Variants in RIMS4 observed in about 807,000 individuals in gnomAD.
RIMS4 encodes regulating synaptic membrane exocytosis protein 4.
Under a neutral mutation model 29.0 loss-of-function variants are expected in RIMS4, and 9 were observed. That is an observed-to-expected ratio of 0.31 (90% confidence interval 0.19 to 0.54). The LOEUF is 0.54. RIMS4 is among the 20% of genes least tolerant of loss of function. The pLI is 0.94. For missense variants in RIMS4, 193 were observed against 365.7 expected, an observed-to-expected ratio of 0.53 and a Z score of 3.85; for synonymous variants, 130 against 152.9, an observed-to-expected ratio of 0.85 and a Z score of 1.10.
At chr20:44,761,273 T>G (rs1023098120) in intron 2 of RIMS4, among the ~76,000 whole-genome samples, 4 of 152,212 alleles carry the variant, frequency 2.6e-5, no homozygotes, top group Non-Finnish European at 5.9e-5. Flanking sequence ...ATTTTATAGA[T>G]GAGCCGGAGA....
intron 2 of RIMS4, among the ~76,000 whole-genome samples, chr20:44,761,464 G>A (rs1438799797): frequency 6.6e-6 from 1 of 152,200 alleles, no homozygotes; most frequent in African/African-American, 2.4e-5. Context: ...GCACAGGGCA[G>A]GCTGGAAGCA....
rs2066045760 is a variant in RIMS4, at chr20:44,753,807, G to A, written c.*2327C>T. ...CCCCAGCTGCTCCACCCCTCCAGGAGGTGAGCGGGATTTCACAGAACAAAC... is the reference window on the plus strand; with the variant it reads ...CCCCAGCTGCTCCACCCCTCCAGGAAGTGAGCGGGATTTCACAGAACAAAC... On this transcript the variant is annotated 3_prime_UTR_variant, in exon 6 of 6. Transcript: ENST00000372851. The A allele has an allele frequency of 6.5e-6, 1 of 152,682 alleles. No individual in the cohort carries two copies. Among genetic ancestry groups the A allele is most frequent in the African/African-American group, 2.4e-5 (1 of 41,450 alleles). The allele number at this position is 152,682 out of a possible 1,614,324, so 9.5% of individuals were successfully genotyped here. A position where few individuals can be genotyped will look rare whatever the true frequency, so the allele number is the denominator to read the frequency against.
chr20:44,801,420 T>C (rs188933561), intron 1 of RIMS4, among the ~76,000 whole-genome samples: 4 of 152,232 alleles, frequency 2.6e-5, no homozygotes, highest in African/African-American at 7.2e-5. Context: ...ACTGACTCAG[T>C]AAACTCCCCC....
chr20:44,758,915 A>C (rs1192249919), intron 2 of RIMS4, among the ~76,000 whole-genome samples: 2 of 152,198 alleles, frequency 1.3e-5, no homozygotes, highest in Non-Finnish European at 2.9e-5. Flanking sequence ...GCATTGTGTG[A>C]GCTCCTGGAT....
chr20:44,809,898 T>C (rs1051433938), intron 1 of RIMS4, among the ~76,000 whole-genome samples: 1 of 151,608 alleles, frequency 6.6e-6, no homozygotes, highest in Admixed American at 6.6e-5. Flanking sequence ...GCAAGGGGCC[T>C]CCAATAGGCG....
chr20:44,770,407 A>C (rs1416481906), intron 2 of RIMS4, among the ~76,000 whole-genome samples: 2 of 152,212 alleles, frequency 1.3e-5, no homozygotes, highest in African/African-American at 2.4e-5. Flanking sequence ...AGTTATGAGA[A>C]AAGCATGTTC....
intron 4 of RIMS4, among the ~76,000 whole-genome samples, 194 bp from the exon 5 acceptor site, chr20:44,757,231 C>T (rs576389086): frequency 2.1e-4 from 32 of 152,034 alleles, no homozygotes; most frequent in Admixed American, 1.2e-3. Context: ...GTGCAGCCTG[C>T]CCCACCTCCT....
At chr20:44,787,750 A>G (rs1240004742) in intron 1 of RIMS4, among the ~76,000 whole-genome samples, 1 of 152,208 alleles carries the variant, frequency 6.6e-6, no homozygotes, top group Admixed American at 6.5e-5. Flanking sequence ...CGTAATTTCA[A>G]GAGGTTCAAG....
chr20:44,791,484 T>C (rs1457087576), intron 1 of RIMS4, among the ~76,000 whole-genome samples: 1 of 152,220 alleles, frequency 6.6e-6, no homozygotes, highest in Non-Finnish European at 1.5e-5. Flanking sequence ...AGGTAACATA[T>C]GTGAAATCCT....
At chr20:44,762,033 G>T (rs140597571) in intron 2 of RIMS4, among the ~76,000 whole-genome samples, 2 of 152,294 alleles carry the variant, frequency 1.3e-5, no homozygotes, top group African/African-American at 4.8e-5. Context: ...ATGGACTGGG[G>T]CAGGGAGTGG....
At chr20:44,800,033 G>A (rs2066271035) in intron 1 of RIMS4, among the ~76,000 whole-genome samples, 1 of 152,220 alleles carries the variant, frequency 6.6e-6, no homozygotes, top group African/African-American at 2.4e-5. Context: ...GGGAGGTTAA[G>A]TGACTTGCTC....
chr20:44,773,201 C>A (rs541649978), intron 1 of RIMS4, among the ~76,000 whole-genome samples: 6 of 152,254 alleles, frequency 3.9e-5, no homozygotes, highest in African/African-American at 1.4e-4. Flanking sequence ...TAGGTGTATA[C>A]ACATCTTCCC....
chr20:44,794,720 C>T (rs1006339157), intron 1 of RIMS4, among the ~76,000 whole-genome samples: 6 of 152,196 alleles, frequency 3.9e-5, no homozygotes, highest in Non-Finnish European at 7.3e-5. Flanking sequence ...CAGCCTGGTG[C>T]CACACTGCTG....
At chr20:44,787,948 C>T (rs553747781) in intron 1 of RIMS4, among the ~76,000 whole-genome samples, 47 of 152,292 alleles carry the variant, frequency 3.1e-4, no homozygotes, top group African/African-American at 1.1e-3. Flanking sequence ...CTCATTTAAA[C>T]CTCATTTTAG....
At chr20:44,770,809 A>T (rs2066133802) in intron 2 of RIMS4, among the ~76,000 whole-genome samples, 1 of 152,216 alleles carries the variant, frequency 6.6e-6, no homozygotes, top group African/African-American at 2.4e-5. Flanking sequence ...AAAAAAGTAA[A>T]GAGGAAATAA....
chr20:44,781,668 G>C (rs926229237), intron 1 of RIMS4, among the ~76,000 whole-genome samples: 1 of 152,134 alleles, frequency 6.6e-6, no homozygotes, highest in Non-Finnish European at 1.5e-5. Flanking sequence ...TACTCTCCTC[G>C]AGCCAATGTG....
intron 1 of RIMS4, among the ~76,000 whole-genome samples, chr20:44,795,707 G>C (rs941952003): frequency 1.3e-5 from 2 of 152,182 alleles, no homozygotes; most frequent in African/African-American, 4.8e-5. Context: ...GAATGGAAGT[G>C]AAGTGTCAGA....
chr20:44,757,567 C>G, intron 4 of RIMS4, 103 bp downstream of exon 4: 1 of 910,614 alleles, frequency 1.1e-6, no homozygotes, highest in Non-Finnish European at 1.8e-6. Flanking sequence ...ACAGGGGGTC[C>G]CCACAGTTGG....
At chr20:44,764,260 A>ATCCATCCATTTATCCATCCGTC (rs1555859479) in intron 2 of RIMS4, among the ~76,000 whole-genome samples, 51 of 151,830 alleles carry the variant, frequency 3.4e-4, no homozygotes, top group Non-Finnish European at 4.6e-4. Flanking sequence ...CCATCCTCCC[A>ATCCATCCATTTATCCATCCGTC]CAAACTCACC....
Sources: gnomAD v4.1 joint callset for allele counts (sites outside exome capture counted in the v4.1 genomes callset) on GRCh38, gnomAD v4.1.1 for gene constraint, MANE v1.5 for transcripts, NCBI Gene and HGNC (gene_info 2026-07-23, HGNC 2026-07-21) for gene names.